The following NINL variants were observed in gnomAD, a reference collection of about 807,000 sequenced individuals.
NINL encodes the protein ninein like.
NINL carries 153 observed loss-of-function variants against 160.3 expected under a neutral mutation model. The ratio of observed to expected loss-of-function variants is 0.95; its 90% CI spans 0.84 to 1.09. The LOEUF (loss-of-function observed/expected upper bound fraction) is 1.09, where lower values mean the gene tolerates loss of function less well. NINL is among the 50% of genes least tolerant of loss of function. NINL has a pLI of 0.00. For missense variants in NINL, 1,829 were observed against 1,764.0 expected, an observed-to-expected ratio of 1.04 and a Z score of -0.66; for synonymous variants, 800 against 734.8, an observed-to-expected ratio of 1.09 and a Z score of -1.43.
At chr20:25,579,738 C>G (rs1440033804) in intron 1 of NINL, among the ~76,000 whole-genome samples, 1 of 152,174 alleles carries the variant, frequency 6.6e-6, no homozygotes, top group East Asian at 1.9e-4. Flanking sequence ...ATGTGAGAGG[C>G]TGTGTGCAGA....
In NINL at chr20:25,470,039, C is replaced by G. The variant is rs2063055376; in HGVS notation, c.3305G>C (p.Arg1102Thr). The change falls in exon 18 of 24, where the codon AGG (arginine) becomes ACG (threonine). Residue 1102 changes from arginine to threonine, a missense_variant. Transcript: ENST00000278886. ...ENTLLKNDLG[R>T]VRQELEAAES... ...TGCAGCTTCAAGCTCTTGCCGAACC[C>G]TTCCCAGATCGTTTTTCAACAAAGT... 6.8e-6 allele frequency: 11 copies of G among 1,614,198 alleles called. No homozygotes were observed. The highest frequency in any genetic ancestry group is 8.5e-6 in the Non-Finnish European group (10 of 1,180,038).
intron 1 of NINL, among the ~76,000 whole-genome samples, chr20:25,571,867 GAAAAAAAAAAAA>G (rs10536325): frequency 3.4e-4 from 14 of 41,550 alleles, no homozygotes; most frequent in African/African-American, 7.9e-4. Flanking sequence ...GACTCTGTCT[GAAAAAAAAAAAA>G]AAAAAAAAAA....
At chr20:25,571,867 GAAAAAAAA>G (rs10536325) in intron 1 of NINL, among the ~76,000 whole-genome samples, 83 of 41,564 alleles carry the variant, frequency 2.0e-3, no homozygotes, top group African/African-American at 6.1e-3. Flanking sequence ...GACTCTGTCT[GAAAAAAAA>G]AAAAAAAAAA....
At chr20:25,474,630 A>C (rs2063186421) in intron 17 of NINL, among the ~76,000 whole-genome samples, 1 of 150,086 alleles carries the variant, frequency 6.7e-6, no homozygotes, top group Non-Finnish European at 1.5e-5. Context: ...TTTTTTTTTG[A>C]GATGGAATCT....
intron 20 of NINL, among the ~76,000 whole-genome samples, 180 bp from the exon 21 acceptor site, chr20:25,461,815 C>T (rs2062793546): frequency 6.6e-6 from 1 of 152,234 alleles, no homozygotes; most frequent in African/African-American, 2.4e-5. Flanking sequence ...CTCCTCTACA[C>T]ACACGCATCT....
chr20:25,473,696 ACACACACACACACACACACAC>A (rs1568862322), intron 17 of NINL, among the ~76,000 whole-genome samples: 3 of 147,574 alleles, frequency 2.0e-5, no homozygotes. Flanking sequence ...ACACACACAC[ACACACACACACACACACACAC>A]ATCAGCTGGG....
In NINL at chr20:25,476,950, G is replaced by GCTCCAGCTGCTCCGAC; in HGVS notation, c.2325_2340dup (p.Leu781ValfsTer90). 1 of 1,609,906 alleles carries GCTCCAGCTGCTCCGAC rather than the reference G, an allele frequency of 6.2e-7. No homozygotes were observed. The highest frequency in any genetic ancestry group is 2.2e-5 in the East Asian group (1 of 44,852). ...GGCTGCAGCTTCAGTGCCCTCTCCA[G>GCTCCAGCTGCTCCGAC]CTCCAGCTGCTCCGACCTCTGGCTC... On this transcript the variant is annotated frameshift_variant, in exon 17 of 24. Coordinates refer to ENST00000278886, the MANE Select transcript of NINL (RefSeq NM_025176.6). LOFTEE classifies it high-confidence loss of function.
Position 25,453,505 on chromosome 20 carries a change from A to T in NINL, c.4095T>A (p.Val1365=). 6.2e-7 allele frequency: 1 copy of T among 1,613,990 alleles called. No homozygotes were observed. The highest frequency in any genetic ancestry group is 8.5e-7 in the Non-Finnish European group (1 of 1,179,942). The part of the protein sequence containing the change: ...EKQSRLLEEK[V]RALNKLVSRI... ...TACTGACGAGTTTGTTGAGAGCGCG[A>T]ACTTTTTCTTCCAAGAGGCGGCTTT... The change falls in exon 24 of 24, where the codon GTT becomes GTA. Residue 1365 remains valine (V), a synonymous_variant. Transcript: ENST00000278886.
Position 25,496,645 on chromosome 20 carries a change from C to CTTGATTTT in NINL, c.1310+17_1310+18insAAAATCAA. The CTTGATTTT allele has an allele frequency of 6.2e-7, 1 of 1,603,616 alleles. No homozygotes were observed. Among genetic ancestry groups the CTTGATTTT allele is most frequent in the Non-Finnish European group, 8.5e-7 (1 of 1,178,410 alleles). ...GGGAGGCCCAGGTAAGAATCCACCA[C>CTTGATTTT]CTGGGCCCAGAACCCACTTGATTTT... is the stretch of plus-strand genomic sequence containing the variant. On this transcript the variant is annotated intron_variant, in intron 10 of 23. Coordinates refer to ENST00000278886, the MANE Select transcript of NINL (RefSeq NM_025176.6).
At chr20:25,489,819 C>CCCAA in intron 12 of NINL, 56 bp downstream of exon 12, 1 of 1,480,520 alleles carries the variant, frequency 6.8e-7, no homozygotes, top group Middle Eastern at 1.7e-4. Context: ...CCGCCACCCC[C>CCCAA]ACTCTGCCCA....
rs771765411 is a variant in NINL at position 25,476,370 on chromosome 20, C to T, written c.2921G>A (p.Arg974Lys). The T allele has an allele frequency of 6.2e-7, 1 of 1,611,542 alleles. No homozygotes were observed. The highest frequency in any genetic ancestry group is 8.5e-7 in the Non-Finnish European group (1 of 1,179,694). ...PAASCRGQAERLQAIQEERAR... is the reference protein window; with the variant it reads ...PAASCRGQAEKLQAIQEERAR... ...TCGCTCTTCCTGAATGGCCTGTAGCCTCTCAGCCTGTCCCCTGCACGAAGC... is the reference window on the plus strand; with the variant it reads ...TCGCTCTTCCTGAATGGCCTGTAGCTTCTCAGCCTGTCCCCTGCACGAAGC... The change falls in exon 17 of 24, where the codon AGG (arginine) becomes AAG (lysine). Residue 974 changes from arginine (R) to lysine (K), a missense_variant. Transcript: ENST00000278886.
chr20:25,474,271 G>A (rs1391615510), intron 17 of NINL, among the ~76,000 whole-genome samples: 2 of 152,220 alleles, frequency 1.3e-5, no homozygotes, highest in Non-Finnish European at 1.5e-5. Flanking sequence ...CGGGGCCTCT[G>A]GATGGCCCTG....
intron 17 of NINL, among the ~76,000 whole-genome samples, chr20:25,472,996 A>G (rs1205969669): frequency 1.3e-5 from 2 of 152,234 alleles, no homozygotes; most frequent in Non-Finnish European, 2.9e-5. Context: ...AGAAAAGAAT[A>G]AACTGTGGTA....
chr20:25,491,588 C>T (rs2063640078), intron 10 of NINL, 63 bp from the exon 11 acceptor site: 1 of 1,557,848 alleles, frequency 6.4e-7, no homozygotes, highest in Non-Finnish European at 8.8e-7. Flanking sequence ...GCCCACGCCA[C>T]CCCCTTCCTA....
chr20:25,531,031 C>T (rs959114939), intron 1 of NINL, among the ~76,000 whole-genome samples: 1 of 152,140 alleles, frequency 6.6e-6, no homozygotes, highest in Non-Finnish European at 1.5e-5. Flanking sequence ...ACAGCTCAGC[C>T]ACAAAAGACG....
At chr20:25,468,556 TGCGCACCCCCCTGCCCTGTCCCC>T (rs2062983119) in intron 18 of NINL, among the ~76,000 whole-genome samples, 1 of 109,896 alleles carries the variant, frequency 9.1e-6, no homozygotes, top group African/African-American at 3.4e-5. Flanking sequence ...CTCTCACTGG[TGCGCACCCCCCTGCCCTGTCCCC>T]TGTCACTGGT....
intron 5 of NINL, chr20:25,509,626 T>TA (rs1299902279): frequency 6.6e-6 from 3 of 456,340 alleles, no homozygotes; most frequent in Non-Finnish European, 8.8e-6. Flanking sequence ...GGTAGTTCCT[T>TA]AGAGCTCAGC....
intron 1 of NINL, among the ~76,000 whole-genome samples, chr20:25,557,346 C>A (rs1469923720): frequency 6.6e-6 from 1 of 152,012 alleles, no homozygotes; most frequent in Non-Finnish European, 1.5e-5. Context: ...GCCTGGCCAA[C>A]ATGACAAAAC....
chr20:25,506,888 T>G (rs2063972513), intron 5 of NINL, among the ~76,000 whole-genome samples: 1 of 152,202 alleles, frequency 6.6e-6, no homozygotes, highest in African/African-American at 2.4e-5. Context: ...GATTCATATC[T>G]CTAGAAAAAA....
Sources: gnomAD v4.1 joint callset for allele counts (sites outside exome capture counted in the v4.1 genomes callset) on GRCh38, gnomAD v4.1.1 for gene constraint, MANE v1.5 for transcripts, NCBI Gene and HGNC (gene_info 2026-07-23, HGNC 2026-07-21) for gene names.